ARSJ: variants seen among roughly 807,000 people sequenced by gnomAD.
The protein encoded by ARSJ is arylsulfatase family member J, also known as arylsulfatase J.
A neutral mutation model predicts 35.9 loss-of-function variants in ARSJ; 26 were observed. The ratio of observed to expected loss-of-function variants is 0.72; its 90% confidence interval spans 0.53 to 1.00. ARSJ has a LOEUF of 1.00. Ranked by LOEUF, ARSJ falls within the 50% of genes least tolerant of loss-of-function variation. The pLI, the probability that ARSJ is intolerant of heterozygous loss-of-function variation, is 0.00. For synonymous variants in ARSJ, 294 were observed against 267.6 expected, an observed-to-expected ratio of 1.10 and a Z score of -0.96; for missense variants, 667 against 723.6, an observed-to-expected ratio of 0.92 and a Z score of 0.90.
At chr4:113,907,245 A>G (rs1383250223) in intron 1 of ARSJ, among the ~76,000 whole-genome samples, 1 of 152,274 alleles carries the variant, frequency 6.6e-6, no homozygotes, top group Admixed American at 6.5e-5. Flanking sequence ...TGTTGATCCC[A>G]GAAAAATTTG....
At chr4:113,935,206 A>G (rs913898511) in intron 1 of ARSJ, among the ~76,000 whole-genome samples, 2 of 151,914 alleles carry the variant, frequency 1.3e-5, no homozygotes, top group Non-Finnish European at 2.9e-5. Flanking sequence ...CCAAATAATC[A>G]GAGAAGGTGC....
intron 1 of ARSJ, among the ~76,000 whole-genome samples, chr4:113,939,912 G>A (rs560276864): frequency 6.6e-6 from 1 of 152,132 alleles, no homozygotes; most frequent in East Asian, 1.9e-4. Flanking sequence ...CTGTGCAGAA[G>A]CTCTTTAGTT....
intron 1 of ARSJ, among the ~76,000 whole-genome samples, chr4:113,954,899 C>G (rs1465090910): frequency 6.6e-6 from 1 of 151,926 alleles, no homozygotes; most frequent in Non-Finnish European, 1.5e-5. Context: ...TTTCTTTGCA[C>G]TTATCTGTCT....
chr4:113,914,348 C>A (rs11943440), intron 1 of ARSJ, among the ~76,000 whole-genome samples: 1 of 151,974 alleles, frequency 6.6e-6, no homozygotes, highest in African/African-American at 2.4e-5. Flanking sequence ...ATTTAGTTAT[C>A]CTAATATGGA....
intron 1 of ARSJ, among the ~76,000 whole-genome samples, chr4:113,926,094 A>G (rs1288053968): frequency 6.6e-6 from 1 of 152,178 alleles, no homozygotes; most frequent in Non-Finnish European, 1.5e-5. Context: ...TCCCTTGATT[A>G]TTAAAATCCT....
At chr4:113,963,319 A>G (rs1158154580) in intron 1 of ARSJ, among the ~76,000 whole-genome samples, 2 of 152,080 alleles carry the variant, frequency 1.3e-5, no homozygotes, top group Non-Finnish European at 2.9e-5. Context: ...TATAAAGGAA[A>G]GAGGTTTAAT....
In ARSJ at chr4:113,903,509, T is replaced by A; in HGVS notation, c.565A>T (p.Thr189Ser). 6.2e-7 allele frequency: 1 copy of A among 1,614,210 alleles called. No homozygotes were observed. The highest frequency in any genetic ancestry group is 1.1e-5 in the South Asian group (1 of 91,086). Residue 189 changes from threonine (T) to serine (S), a missense_variant, in exon 2 of 2, where the codon ACC becomes TCC. Transcript: ENST00000315366. ...AAAAAGGTATCAAATCCTCTTCTGG[T>A]GGGCATGCATTCTTTTCTGTAAAAA... ...LGFYRKECMP[T>S]RRGFDTFFGS...
Position 113,903,586 on chromosome 4 carries a change from T to G in ARSJ, c.488A>C (p.Lys163Thr). The G allele has an allele frequency of 6.2e-7, 1 of 1,614,194 alleles. No individual in the cohort carries two copies. ...CGTTGAATATCCAACCTCCTTCAGTTTCTGAGGTAGGGTGGCATTGTCCAG... is the reference window on the plus strand; with the variant it reads ...CGTTGAATATCCAACCTCCTTCAGTGTCTGAGGTAGGGTGGCATTGTCCAG... Reference protein sequence around the residue: ...LPLDNATLPQKLKEVGYSTHM... With the variant: ...LPLDNATLPQTLKEVGYSTHM... Residue 163 changes from lysine to threonine, a missense_variant, in exon 2 of 2, where the codon AAA becomes ACA. By Grantham distance (78) the Lys-to-Thr change is moderately conservative. Transcript: ENST00000315366.
intron 1 of ARSJ, chr4:113,943,167 T>G (rs1451445883): frequency 1.3e-5 from 2 of 151,974 alleles, no homozygotes; most frequent in South Asian, 4.1e-4. Context: ...ATTTCAACCC[T>G]CTTTGCTCCT....
At chr4:113,911,315 G>A (rs1396508176) in intron 1 of ARSJ, among the ~76,000 whole-genome samples, 3 of 152,120 alleles carry the variant, frequency 2.0e-5, no homozygotes, top group Admixed American at 6.6e-5. Context: ...CTGTACTAAG[G>A]TTTTCTTACT....
At chr4:113,948,282 A>C (rs1594473332) in intron 1 of ARSJ, among the ~76,000 whole-genome samples, 1 of 152,306 alleles carries the variant, frequency 6.6e-6, no homozygotes, top group East Asian at 1.9e-4. Flanking sequence ...TATTTATATT[A>C]GCCTGAGTAG....
At chr4:113,941,314 C>T (rs1218346332) in intron 1 of ARSJ, among the ~76,000 whole-genome samples, 4 of 151,936 alleles carry the variant, frequency 2.6e-5, no homozygotes, top group Non-Finnish European at 5.9e-5. Flanking sequence ...TTTGGTATCT[C>T]TGGTAATTGT....
At chr4:113,965,447 A>G (rs1315487071) in intron 1 of ARSJ, among the ~76,000 whole-genome samples, 2 of 152,138 alleles carry the variant, frequency 1.3e-5, no homozygotes, top group Non-Finnish European at 2.9e-5. Flanking sequence ...TAGCTTCATT[A>G]CTTACATCTT....
intron 1 of ARSJ, among the ~76,000 whole-genome samples, chr4:113,924,633 A>C (rs1236580005): frequency 6.6e-6 from 1 of 152,166 alleles, no homozygotes; most frequent in Non-Finnish European, 1.5e-5. Flanking sequence ...CCAGAAGTGC[A>C]CTAATCCCCA....
intron 1 of ARSJ, among the ~76,000 whole-genome samples, chr4:113,933,512 G>A (rs2149265467): frequency 6.6e-6 from 1 of 151,674 alleles, no homozygotes; most frequent in Admixed American, 6.6e-5. Flanking sequence ...TGATCAAGTG[G>A]GATTTCATCC....
intron 1 of ARSJ, among the ~76,000 whole-genome samples, chr4:113,956,754 T>A (rs1232175295): frequency 6.6e-6 from 1 of 151,986 alleles, no homozygotes; most frequent in Non-Finnish European, 1.5e-5. Context: ...CATGCAATGG[T>A]GACATGGTCA....
chr4:113,954,213 C>T (rs1254254495), intron 1 of ARSJ, among the ~76,000 whole-genome samples: 1 of 151,970 alleles, frequency 6.6e-6, no homozygotes, highest in African/African-American at 2.4e-5. Context: ...AATGATCTCC[C>T]TCCTGTTTGT....
At chr4:113,910,194 T>C (rs2099670016) in intron 1 of ARSJ, among the ~76,000 whole-genome samples, 1 of 152,112 alleles carries the variant, frequency 6.6e-6, no homozygotes, top group Non-Finnish European at 1.5e-5. Flanking sequence ...AAAAGAAAAA[T>C]GCTAAGTAGA....
chr4:113,960,536 G>T (rs567396345), intron 1 of ARSJ, among the ~76,000 whole-genome samples: 1 of 151,838 alleles, frequency 6.6e-6, no homozygotes, highest in African/African-American at 2.4e-5. Context: ...ATTGATTCTG[G>T]TGTATTCATC....
Sources: gnomAD v4.1 joint callset for allele counts (sites outside exome capture counted in the v4.1 genomes callset) on GRCh38, gnomAD v4.1.1 for gene constraint, MANE v1.5 for transcripts, NCBI Gene and HGNC (gene_info 2026-07-23, HGNC 2026-07-21) for gene names.